Variants in ZNF780B observed in about 807,000 individuals in gnomAD.
ZNF780B encodes zinc finger protein 780B, also known as zinc finger protein 779.
In ZNF780B, 52 loss-of-function variants were observed where a neutral mutation model predicts 74.1. The ratio of observed to expected loss-of-function variants is 0.70; its 90% CI spans 0.56 to 0.88. ZNF780B has a LOEUF of 0.88. ZNF780B is among the 40% of genes least tolerant of loss of function. ZNF780B has a pLI of 0.00. For synonymous variants in ZNF780B, 315 were observed against 324.3 expected (o/e 0.97, Z 0.31); for missense variants, 953 against 1,007.6 (o/e 0.95, Z 0.73).
At chr19:40,049,744 A>G (rs928465956) in intron 2 of ZNF780B, among the ~76,000 whole-genome samples, 27 of 152,330 alleles carry the variant, frequency 1.8e-4, no homozygotes, top group African/African-American at 6.0e-4. Context: ...CACTGTTCCA[A>G]CATTCTTTCT....
chr19:40,032,308 G>C lies in ZNF780B; in HGVS notation c.*2049C>G. 2.7e-6 allele frequency: 1 copy of C among 369,308 alleles called. No individual in the cohort carries two copies. Among genetic ancestry groups the C allele is most frequent in the Non-Finnish European group, 5.3e-6 (1 of 190,104 alleles). The allele number at this position is 369,308 out of a possible 1,614,324, so 22.9% of individuals were successfully genotyped here. ...TGTAGGTTTACTAAGTTCCACAGGGGATTCTGATACCCACCATAATTTGAG... is the reference window on the plus strand; with the variant it reads ...TGTAGGTTTACTAAGTTCCACAGGGCATTCTGATACCCACCATAATTTGAG... On this transcript the variant is annotated 3_prime_UTR_variant, in exon 5 of 5. Coordinates refer to ENST00000434248, the MANE Select transcript of ZNF780B (RefSeq NM_001005851.3).
chr19:40,039,750 A>G (rs1972537952), intron 4 of ZNF780B, among the ~76,000 whole-genome samples: 1 of 152,184 alleles, frequency 6.6e-6, no homozygotes, highest in South Asian at 2.1e-4. Flanking sequence ...TGATTTTTGT[A>G]CATTGATTTT....
At position 40,035,016 on chromosome 19, in the gene ZNF780B, A is replaced by C. The variant is rs780254659; in HGVS notation, c.1843T>G (p.Cys615Gly). 6.2e-6 allele frequency: 10 copies of C among 1,613,978 alleles called. No individual in the cohort carries two copies. Among genetic ancestry groups the C allele is most frequent in the African/African-American group, 1.3e-5 (1 of 74,928 alleles). Residue 615 changes from cysteine (C) to glycine (G), a missense_variant, in exon 5 of 5, where the codon TGT (cysteine) becomes GGT (glycine). Coordinates refer to ENST00000434248, the MANE Select transcript of ZNF780B (RefSeq NM_001005851.3). Reference protein sequence around the residue: ...KFHTGEKPFECKECGKAFSLH... With the variant: ...KFHTGEKPFEGKECGKAFSLH... ...CTGAAGGCCTTGCCACATTCCTTAC[A>C]TTCAAAGGGCTTCTCACCAGTATGA...
chr19:40,039,748 G>A (rs1269411074), intron 4 of ZNF780B, among the ~76,000 whole-genome samples: 1 of 152,136 alleles, frequency 6.6e-6, no homozygotes, highest in Non-Finnish European at 1.5e-5. Flanking sequence ...TGTGATTTTT[G>A]TACATTGATT....
chr19:40,045,655 T>C (rs1972901202), intron 4 of ZNF780B, among the ~76,000 whole-genome samples: 1 of 152,160 alleles, frequency 6.6e-6, no homozygotes, highest in Non-Finnish European at 1.5e-5. Context: ...AATGAAATCA[T>C]GTCATTTGCA....
chr19:40,043,564 TG>T (rs1161820500), intron 4 of ZNF780B, among the ~76,000 whole-genome samples: 3 of 152,238 alleles, frequency 2.0e-5, no homozygotes, highest in Non-Finnish European at 2.9e-5. Flanking sequence ...CCACCCAGTT[TG>T]AGCTCCCCGG....
intron 1 of ZNF780B, 66 bp from the exon 2 acceptor site, chr19:40,050,443 A>C: frequency 7.1e-7 from 1 of 1,416,304 alleles, no homozygotes; most frequent in Non-Finnish European, 9.6e-7. Flanking sequence ...GAACGAATAA[A>C]TATTTTATCC....
At position 40,035,856 on chromosome 19, in the gene ZNF780B, A is replaced by T; in HGVS notation, c.1003T>A (p.Cys335Ser). Residue 335 changes from cysteine (C) to serine (S), a missense_variant, in exon 5 of 5, where the codon TGT (cysteine) becomes AGT (serine). By Grantham distance (112) the Cys-to-Ser change is moderately radical. Transcript: ENST00000434248. Reference sequence around the variant, plus strand: ...GTAAAGGCCTTTCTGCATTCTTTACATTCAAAGGGTTTCTCGCCAGTATGA... The same window carrying T: ...GTAAAGGCCTTTCTGCATTCTTTACTTTCAAAGGGTTTCTCGCCAGTATGA... ...RIHTGEKPFE[C>S]KECRKAFTLL... 2.5e-6 allele frequency: 4 copies of T among 1,613,846 alleles called. No homozygotes were observed. Among genetic ancestry groups the T allele is most frequent in the Non-Finnish European group, 2.5e-6 (3 of 1,179,984 alleles).
At chr19:40,047,515 A>AT in intron 3 of ZNF780B, 45 bp from the exon 4 acceptor site, 2 of 1,434,808 alleles carry the variant, frequency 1.4e-6, no homozygotes, top group African/African-American at 1.5e-5. Context: ...TAATATAAAA[A>AT]TTTTTTTTAA....
At chr19:40,049,047 G>C in intron 2 of ZNF780B, 1 of 407,250 alleles carries the variant, frequency 2.5e-6, no homozygotes. Context: ...AACATAACGA[G>C]ATGCACTCCC....
chr19:40,050,068 GTGCCTGTAGTCCCAGCTACTCGGGA>G (rs1413787893), intron 2 of ZNF780B, among the ~76,000 whole-genome samples: 3 of 151,764 alleles, frequency 2.0e-5, no homozygotes, highest in Admixed American at 2.0e-4. Flanking sequence ...GTGCTGGTGG[GTGCCTGTAGTCCCAGCTACTCGGGA>G]GTCTGAGGCA....
Position 40,034,045 on chromosome 19 carries a change from T to C in ZNF780B, c.*312A>G. ...TTTCTCAGCAGTACGGATTCTCAGA[T>C]GTACAGTAAGATCATAATTACTGCT... is the stretch of plus-strand genomic sequence containing the variant. On this transcript the variant is annotated 3_prime_UTR_variant, in exon 5 of 5. Transcript: ENST00000434248. The C allele has an allele frequency of 2.6e-6, 1 of 390,472 alleles. No individual in the cohort carries two copies. Among genetic ancestry groups the C allele is most frequent in the Non-Finnish European group, 4.8e-6 (1 of 206,860 alleles). The allele number at this position is 390,472 out of a possible 1,614,324, so 24.2% of individuals were successfully genotyped here.
intron 4 of ZNF780B, among the ~76,000 whole-genome samples, chr19:40,038,860 T>G (rs977553692): frequency 6.8e-6 from 1 of 146,624 alleles, no homozygotes; most frequent in Non-Finnish European, 1.5e-5. Flanking sequence ...ATTTTGTAGG[T>G]TGCCTGTTCA....
Position 40,036,117 on chromosome 19 carries a change from G to A in ZNF780B, c.742C>T (p.Leu248=). The change falls in exon 5 of 5, where the codon CTG becomes TTG. Residue 248 remains leucine, a synonymous_variant. Transcript: ENST00000434248. Reference sequence around the variant, plus strand: ...TTCCCACATTCCTTACATTCAAACAGTTTCTTAACTGTGTGAATGTTCTTA... The same window carrying A: ...TTCCCACATTCCTTACATTCAAACAATTTCTTAACTGTGTGAATGTTCTTA... ...RHKNIHTVKK[L]FECKECGKSF... 1 of 1,613,874 alleles carries A rather than the reference G, an allele frequency of 6.2e-7. No individual in the cohort carries two copies. Among genetic ancestry groups the A allele is most frequent in the African/African-American group, 1.3e-5 (1 of 75,024 alleles).
rs1568425373 is a variant in ZNF780B, at chr19:40,050,388, A to G, written c.-45-11T>C. The G allele has an allele frequency of 3.2e-6, 5 of 1,573,678 alleles. No individual in the cohort carries two copies. The highest frequency in any genetic ancestry group is 2.6e-6 in the Non-Finnish European group (3 of 1,165,024). On this transcript the variant is annotated splice_polypyrimidine_tract_variant and intron_variant, in intron 1 of 4. Transcript: ENST00000434248. ...CCTCGGGCTTCTCCCCTGGAAAACAACAACAACAAAAAGGCCCTAAGTCAA... is the reference window on the plus strand; with the variant it reads ...CCTCGGGCTTCTCCCCTGGAAAACAGCAACAACAAAAAGGCCCTAAGTCAA...
At position 40,034,979 on chromosome 19, in the gene ZNF780B, T is replaced by C; in HGVS notation, c.1880A>G (p.Gln627Arg). 6.2e-7 allele frequency: 1 copy of C among 1,614,148 alleles called. No homozygotes were observed. The highest frequency in any genetic ancestry group is 8.5e-7 in the Non-Finnish European group (1 of 1,179,996). ...GTGAATGTTCTTATGGTGATTAAGCTGGGTGTGAAGACTGAAGGCCTTGCC... is the reference window on the plus strand; with the variant it reads ...GTGAATGTTCTTATGGTGATTAAGCCGGGTGTGAAGACTGAAGGCCTTGCC... ...ECGKAFSLHT[Q>R]LNHHKNIHTG... is the part of the protein sequence containing the mutation. The change falls in exon 5 of 5, where the codon CAG (glutamine) becomes CGG (arginine). Residue 627 changes from glutamine to arginine, a missense_variant. By Grantham distance (43) the Gln-to-Arg change is conservative (BLOSUM62 1). Transcript: ENST00000434248.
At chr19:40,051,586 TA>T (rs1355402852) in intron 1 of ZNF780B, among the ~76,000 whole-genome samples, 1 of 152,148 alleles carries the variant, frequency 6.6e-6, no homozygotes, top group African/African-American at 2.4e-5. Flanking sequence ...AAAATAAAAA[TA>T]AAACAGAGTT....
In ZNF780B at chr19:40,036,473, T is replaced by C; in HGVS notation, c.386A>G (p.Glu129Gly). The C allele has an allele frequency of 6.2e-7, 1 of 1,610,578 alleles. No individual in the cohort carries two copies. The highest frequency in any genetic ancestry group is 1.1e-5 in the South Asian group (1 of 89,740). The change falls in exon 5 of 5, where the codon GAG (glutamate) becomes GGG (glycine). Residue 129 changes from glutamate (E) to glycine (G), a missense_variant. Coordinates refer to ENST00000434248, the MANE Select transcript of ZNF780B (RefSeq NM_001005851.3). ...TCCTTCTTGATGTCCCTGTCGTCCC[T>C]CAAATCTACTTCTATATTCTGAGTC... is the stretch of plus-strand genomic sequence containing the variant. ...RNDSEYRSRFEGRQGHQEGYI... is the reference protein window; with the variant it reads ...RNDSEYRSRFGGRQGHQEGYI...
Position 40,031,204 on chromosome 19 carries a change from C to T in ZNF780B, c.*3153G>A, listed in dbSNP as rs1457176071. 1 of 152,132 alleles carries T rather than the reference C, an allele frequency of 6.6e-6. No homozygotes were observed. Among genetic ancestry groups the T allele is most frequent in the African/African-American group, 2.4e-5 (1 of 41,442 alleles). 9.4% of individuals were successfully genotyped at this position (152,132 alleles called of 1,614,324 possible). A position where few individuals can be genotyped will look rare whatever the true frequency, so the allele number is the denominator to read the frequency against. ...AAAAAATTTAATCTAATTCATGATGCCACATCGGTATCATGTTTTGTTTTG... is the reference window on the plus strand; with the variant it reads ...AAAAAATTTAATCTAATTCATGATGTCACATCGGTATCATGTTTTGTTTTG... On this transcript the variant is annotated 3_prime_UTR_variant, in exon 5 of 5. Coordinates refer to ENST00000434248, the MANE Select transcript of ZNF780B (RefSeq NM_001005851.3).
Sources: gnomAD v4.1 joint callset for allele counts (sites outside exome capture counted in the v4.1 genomes callset) on GRCh38, gnomAD v4.1.1 for gene constraint, MANE v1.5 for transcripts, NCBI Gene and HGNC (gene_info 2026-07-23, HGNC 2026-07-21) for gene names.